The following KIF14 variants were observed in gnomAD, a reference collection of about 807,000 sequenced individuals.
The protein encoded by KIF14 is kinesin family member 14.
Under a neutral mutation model 176.2 loss-of-function variants are expected in KIF14, and 98 were observed. The observed-to-expected ratio is 0.56, with a 90% CI of 0.47 to 0.66. The LOEUF (loss-of-function observed/expected upper bound fraction) is 0.66, where lower values mean the gene tolerates loss of function less well. Ranked by LOEUF, KIF14 falls within the 30% of genes least tolerant of loss-of-function variation. The probability of loss-of-function intolerance (pLI) is 0.00; values close to 1 mark genes in which losing one functional copy is unlikely to be tolerated. For missense variants in KIF14, 1,751 were observed against 1,920.4 expected, an observed-to-expected ratio of 0.91 and a Z score of 1.65; for synonymous variants, 566 against 632.2, an observed-to-expected ratio of 0.90 and a Z score of 1.57.
At chr1:200,567,341 A>T (rs931805918) in intron 23 of KIF14, among the ~76,000 whole-genome samples, 15 of 151,894 alleles carry the variant, frequency 9.9e-5, no homozygotes, top group African/African-American at 3.6e-4. Flanking sequence ...GGAGATCGAG[A>T]CCATCCTGGC....
intron 4 of KIF14, among the ~76,000 whole-genome samples, chr1:200,610,509 CA>C (rs35647787): frequency 0.62 from 66,839 of 107,838 alleles, 19,314 homozygotes; most frequent in Middle Eastern, 0.69. Flanking sequence ...GACTTCCTCT[CA>C]AAAAAAAAAA....
rs1659463228 is a variant in KIF14, at chr1:200,598,307, C to A, written c.2479G>T (p.Val827Phe). The change falls in exon 14 of 30, where the codon GTT becomes TTT. Residue 827 changes from valine (V) to phenylalanine (F), a missense_variant. Transcript: ENST00000367350. ...LYMIKEGTTT[V>F]GKYKPNSSHD... ...CTTGAGTTTGGTTTATACTTTCCAA[C>A]TGTAGTTGTTCCTTCTTTTATCATA... 6.2e-7 allele frequency: 1 copy of A among 1,613,404 alleles called. No homozygotes were observed. The highest frequency in any genetic ancestry group is 8.5e-7 in the Non-Finnish European group (1 of 1,179,742).
intron 23 of KIF14, among the ~76,000 whole-genome samples, chr1:200,566,178 C>T (rs912991666): frequency 2.0e-5 from 3 of 152,124 alleles, no homozygotes; most frequent in African/African-American, 7.2e-5. Context: ...TTAGTAGCTC[C>T]CTGACTATAC....
intron 27 of KIF14, among the ~76,000 whole-genome samples, chr1:200,555,955 A>G (rs956653881): frequency 3.9e-5 from 6 of 152,256 alleles, no homozygotes; most frequent in African/African-American, 1.2e-4. Context: ...ATTTATAGAT[A>G]CAAAATTTCT....
chr1:200,576,295 G>A lies in KIF14; in HGVS notation c.3466-604C>T, dbSNP rs892183853. Among the ~76,000 whole-genome samples the A allele has an allele frequency of 3.3e-5, 5 of 151,906 alleles. No homozygotes were observed. The East Asian group carries it at 7.7e-4, about 23-fold the overall frequency. ...AGATCGAGACCATCCTGGCTAACAC[G>A]GTGAAACCCCGTCTCTACTAAAAAT... On this transcript the variant is annotated intron_variant, in intron 21 of 29. Coordinates refer to ENST00000367350, the MANE Select transcript of KIF14 (RefSeq NM_014875.3).
chr1:200,602,900 C>T (rs1659695347), intron 10 of KIF14, among the ~76,000 whole-genome samples: 2 of 152,224 alleles, frequency 1.3e-5, no homozygotes, highest in East Asian at 1.9e-4. Flanking sequence ...TAGTTAAGTA[C>T]AAGAACAGTT....
intron 19 of KIF14, among the ~76,000 whole-genome samples, chr1:200,581,582 A>G (rs1658457032): frequency 6.6e-6 from 1 of 151,962 alleles, no homozygotes; most frequent in African/African-American, 2.4e-5. Context: ...TTTTTTTTCT[A>G]ATGTCTTTTT....
intron 20 of KIF14, among the ~76,000 whole-genome samples, 154 bp from the exon 21 acceptor site, chr1:200,580,537 AAGT>A (rs1471813544): frequency 1.3e-5 from 2 of 152,052 alleles, no homozygotes; most frequent in Admixed American, 6.5e-5. Context: ...ATAATCATAT[AAGT>A]ATAAAACATA....
At chr1:200,574,573 C>CT (rs566427102) in intron 22 of KIF14, among the ~76,000 whole-genome samples, 232 of 152,350 alleles carry the variant, frequency 1.5e-3, no homozygotes, top group African/African-American at 5.4e-3. Flanking sequence ...ACAGAGCATA[C>CT]TTTGTATTCA....
At chr1:200,595,839 C>T (rs993992688) in intron 14 of KIF14, among the ~76,000 whole-genome samples, 7 of 142,352 alleles carry the variant, frequency 4.9e-5, no homozygotes, top group Admixed American at 2.3e-4. Flanking sequence ...GGCTGAGGCA[C>T]GAGAATCGCT....
rs147098595 is a variant in KIF14, at chr1:200,577,068, G to A, written c.3466-1377C>T. ...CTCATGTCTGTAATCTCAGCATTTT[G>A]AGAGGCTGAGGCAGGCAGATCACCT... On this transcript the variant is annotated intron_variant, in intron 21 of 29. Transcript: ENST00000367350. Among the ~76,000 whole-genome samples, 28 of 151,318 alleles carry A rather than the reference G, an allele frequency of 1.9e-4. 1 individual carries two copies. In the East Asian group the frequency reaches 4.3e-3, roughly 23 times the overall value.
At chr1:200,600,202 C>T in intron 12 of KIF14, 89 bp from the exon 13 acceptor site, 1 of 1,185,050 alleles carries the variant, frequency 8.4e-7, no homozygotes, top group Non-Finnish European at 1.2e-6. Flanking sequence ...AATTAGGCAA[C>T]TACCTAGTAA....
At chr1:200,616,592 A>G (rs1369590761) in intron 2 of KIF14, among the ~76,000 whole-genome samples, 1 of 152,208 alleles carries the variant, frequency 6.6e-6, no homozygotes, top group Admixed American at 6.5e-5. Context: ...TTCAAACTGG[A>G]GGTTCCTGCC....
chr1:200,617,061 G>C (rs144150411), intron 2 of KIF14, among the ~76,000 whole-genome samples: 7 of 152,046 alleles, frequency 4.6e-5, no homozygotes, highest in African/African-American at 1.4e-4. Context: ...TCTGCCTCCC[G>C]GGTTCAAGTG....
At chr1:200,611,055 T>TC (rs1408685176) in intron 4 of KIF14, among the ~76,000 whole-genome samples, 1 of 152,172 alleles carries the variant, frequency 6.6e-6, no homozygotes, top group Non-Finnish European at 1.5e-5. Context: ...GCTGAGCTTC[T>TC]CCTCCTTTTG....
intron 21 of KIF14, among the ~76,000 whole-genome samples, chr1:200,578,895 T>C (rs952796057): frequency 1.3e-5 from 2 of 150,982 alleles, no homozygotes; most frequent in African/African-American, 4.9e-5. Context: ...ATCGAGACCA[T>C]CCTGGCTAAC....
chr1:200,568,134 C>A (rs76074256), intron 23 of KIF14, among the ~76,000 whole-genome samples: 3,580 of 152,260 alleles, frequency 0.024, 49 homozygotes, highest in Non-Finnish European at 0.035. Context: ...CACCCCCAGG[C>A]CTGGTCCCCC....
rs767474959 is a variant in KIF14, at chr1:200,618,159, C to T, written c.565G>A (p.Glu189Lys). ...TTGTATTTCTTATCAGCCATCATTT[C>T]AATGACCTGTGGATCTTCATCTAAA... Reference protein sequence around the residue: ...VPLDEDPQVIEMMADKKYKET... With the variant: ...VPLDEDPQVIKMMADKKYKET... Residue 189 changes from glutamate to lysine, a missense_variant, in exon 2 of 30, where the codon GAA (glutamate) becomes AAA (lysine). Glu to Lys is a moderately conservative substitution (Grantham distance 56). Coordinates refer to ENST00000367350, the MANE Select transcript of KIF14 (RefSeq NM_014875.3). The T allele has an allele frequency of 1.9e-6, 3 of 1,613,882 alleles. No homozygotes were observed. The African/African-American group carries it at 4.0e-5, about 22-fold the overall frequency.
rs1221251605 is a variant in KIF14, at chr1:200,555,242, C to T, written c.4428+138G>A. 3.1e-5 allele frequency: 18 copies of T among 584,052 alleles called. No individual in the cohort carries two copies. In the South Asian group the frequency reaches 3.3e-4, roughly 11 times the overall value. The allele number at this position is 584,052 out of a possible 1,614,324, so 36.2% of individuals were successfully genotyped here. A position where few individuals can be genotyped will look rare whatever the true frequency, so the allele number is the denominator to read the frequency against. ...ACACATAAAAAAGACAAAGAGCTAT[C>T]TTACATGCTACAATTAGACATATAC... On this transcript the variant is annotated intron_variant, in intron 28 of 29. Transcript: ENST00000367350.
Sources: allele counts gnomAD v4.1 joint callset (sites outside exome capture counted in the v4.1 genomes callset), GRCh38; gene constraint gnomAD v4.1.1; transcripts MANE v1.5; gene names NCBI Gene and HGNC (gene_info 2026-07-23, HGNC 2026-07-21).